The following SUMO2 variants were observed in gnomAD, a reference collection of about 807,000 sequenced individuals.
SUMO2 encodes the protein small ubiquitin like modifier 2.
SUMO2 carries 1 observed loss-of-function variant against 16.0 expected under a neutral mutation model. The observed-to-expected ratio is 0.06, with a 90% CI of 0.02 to 0.30. The LOEUF (loss-of-function observed/expected upper bound fraction) is 0.30. Ranked by LOEUF, SUMO2 falls within the 10% of genes least tolerant of loss-of-function variation. The pLI, the probability that SUMO2 is intolerant of heterozygous loss-of-function variation, is 1.00. For synonymous variants in SUMO2, 36 were observed against 40.6 expected (o/e 0.89, Z 0.43); for missense variants, 16 against 117.5 (o/e 0.14, Z 3.99).
At chr17:75,174,729 C>G (rs2074768463) in intron 3 of SUMO2, 23 bp downstream of exon 3, 1 of 1,602,788 alleles carries the variant, frequency 6.2e-7, no homozygotes, top group African/African-American at 1.3e-5. Flanking sequence ...GGTAATTTTT[C>G]TAATTAGGAG....
At chr17:75,169,051 T>C in intron 3 of SUMO2, among the ~76,000 whole-genome samples, 1 of 137,328 alleles carries the variant, frequency 7.3e-6, no homozygotes, top group Admixed American at 7.6e-5. Context: ...AGACAACATC[T>C]CTACAAAAAA....
chr17:75,177,377 A>T (rs1237799808), intron 2 of SUMO2, among the ~76,000 whole-genome samples: 1 of 151,686 alleles, frequency 6.6e-6, no homozygotes, highest in South Asian at 2.1e-4. Flanking sequence ...AAAAAAAAGA[A>T]ATTAAAAAAT....
At chr17:75,180,980 T>C in intron 2 of SUMO2, 77 bp downstream of exon 2, 2 of 1,557,768 alleles carry the variant, frequency 1.3e-6, no homozygotes, top group Non-Finnish European at 1.8e-6. Context: ...AATGTGCTAG[T>C]CTAGTTTTTG....
At chr17:75,180,807 A>G (rs918617761) in intron 2 of SUMO2, among the ~76,000 whole-genome samples, 1 of 152,174 alleles carries the variant, frequency 6.6e-6, no homozygotes, top group African/African-American at 2.4e-5. Context: ...CTTGGTAAAA[A>G]AAAATTATTG....
intron 2 of SUMO2, among the ~76,000 whole-genome samples, chr17:75,175,982 A>G (rs1193119470): frequency 6.6e-6 from 1 of 152,058 alleles, no homozygotes; most frequent in Non-Finnish European, 1.5e-5. Context: ...CACAGCTACT[A>G]TAATGTTAAA....
At position 75,174,839 on chromosome 17, in the gene SUMO2, A is replaced by T; in HGVS notation, c.154-16T>A. The T allele has an allele frequency of 6.2e-7, 1 of 1,610,288 alleles. No homozygotes were observed. Among genetic ancestry groups the T allele is most frequent in the Non-Finnish European group, 8.5e-7 (1 of 1,178,068 alleles). ...TTGACAATCCCTGAACGAGAATTTA[A>T]AAGCAATAAACAGCATTAAGAGAAA... On this transcript the variant is annotated splice_polypyrimidine_tract_variant and intron_variant, in intron 2 of 3. Transcript: ENST00000420826.
intron 3 of SUMO2, among the ~76,000 whole-genome samples, chr17:75,169,844 G>A (rs1195704071): frequency 9.5e-6 from 1 of 105,486 alleles, no homozygotes; most frequent in East Asian, 3.1e-4. Context: ...GTGAGACTTG[G>A]TCTCAAAAAA....
intron 2 of SUMO2, among the ~76,000 whole-genome samples, chr17:75,175,415 G>A (rs1418146256): frequency 2.0e-5 from 3 of 151,858 alleles, no homozygotes; most frequent in Non-Finnish European, 4.4e-5. Flanking sequence ...CCACCTTTTG[G>A]GTTCAAGCAA....
rs546928289 is a variant in SUMO2 at position 75,167,701 on chromosome 17, T to C, written c.*638A>G. The C allele has an allele frequency of 6.5e-6, 1 of 152,744 alleles. No individual in the cohort carries two copies. The highest frequency in any genetic ancestry group is 2.1e-4 in the South Asian group (1 of 4,828). 9.5% of individuals were successfully genotyped at this position (152,744 alleles called of 1,614,324 possible). On this transcript the variant is annotated 3_prime_UTR_variant, in exon 4 of 4. Coordinates refer to ENST00000420826, the MANE Select transcript of SUMO2 (RefSeq NM_006937.4). ...TTTTTTCTAAGCCTCAATTTTCTATTTAATATTTCTCAGAATAAAGAAAAC... is the reference window on the plus strand; with the variant it reads ...TTTTTTCTAAGCCTCAATTTTCTATCTAATATTTCTCAGAATAAAGAAAAC...
chr17:75,168,363 T>A lies in SUMO2; in HGVS notation c.264A>T (p.Gln88His). Residue 88 changes from glutamine to histidine, a missense_variant, in exon 4 of 4, where the codon CAA (glutamine) becomes CAT (histidine). Gln to His is a conservative substitution (Grantham distance 24, BLOSUM62 0). Transcript: ENST00000420826. ...TTCAGTAGACACCTCCCGTCTGCTG[T>A]TGGAACACATCAATTGTATCTTCAT... ...MEDEDTIDVF[Q>H]QQTGGVY The A allele has an allele frequency of 6.2e-7, 1 of 1,608,050 alleles. No individual in the cohort carries two copies. Among genetic ancestry groups the A allele is most frequent in the Non-Finnish European group, 8.5e-7 (1 of 1,177,348 alleles).
chr17:75,178,577 T>C (rs1338194282), intron 2 of SUMO2, among the ~76,000 whole-genome samples: 1 of 152,030 alleles, frequency 6.6e-6, no homozygotes, highest in Non-Finnish European at 1.5e-5. Flanking sequence ...TTCTGTTTGT[T>C]TGTGGTTTTG....
At position 75,167,447 on chromosome 17, in the gene SUMO2, G is replaced by A. The variant is rs911633018; in HGVS notation, c.*892C>T. ...CCACATGTGCTACCCTATACCCTAT[G>A]CTCCGTGCCTCACTTAATATACAGA... On this transcript the variant is annotated 3_prime_UTR_variant, in exon 4 of 4. Transcript: ENST00000420826. The A allele has an allele frequency of 6.6e-6, 1 of 152,064 alleles. No homozygotes were observed. Among genetic ancestry groups the A allele is most frequent in the Non-Finnish European group, 1.5e-5 (1 of 68,038 alleles). The allele number at this position is 152,064 out of a possible 1,614,324, so 9.4% of individuals were successfully genotyped here. A position where few individuals can be genotyped will look rare whatever the true frequency, so the allele number is the denominator to read the frequency against.
In SUMO2 at chr17:75,182,591, G is replaced by A. The variant is rs531908959; in HGVS notation, c.21+223C>T. The A allele has an allele frequency of 6.0e-5, 19 of 318,152 alleles. 1 individual carries two copies. The South Asian group carries it at 2.8e-3, about 46-fold the overall frequency. The allele number at this position is 318,152 out of a possible 1,614,324, so 19.7% of individuals were successfully genotyped here. On this transcript the variant is annotated intron_variant, in intron 1 of 3. Coordinates refer to ENST00000420826, the MANE Select transcript of SUMO2 (RefSeq NM_006937.4). ...CCAACTCGCGCCCGGCGCGCACTCG[G>A]AGGCCGCCGGGGGCGGGAGAGAGCG...
chr17:75,166,446 G>A lies in SUMO2; in HGVS notation c.*1893C>T, dbSNP rs1162291289. 3 of 151,790 alleles carry A rather than the reference G, an allele frequency of 2.0e-5. No individual in the cohort carries two copies. Among genetic ancestry groups the A allele is most frequent in the African/African-American group, 7.3e-5 (3 of 41,258 alleles). 9.4% of individuals were successfully genotyped at this position (151,790 alleles called of 1,614,324 possible). ...GCTGAGATCATGTCATTGGTCTCCA[G>A]TTGGGGCAACAAGAGCGAAACTCCA... On this transcript the variant is annotated 3_prime_UTR_variant, in exon 4 of 4. Coordinates refer to ENST00000420826, the MANE Select transcript of SUMO2 (RefSeq NM_006937.4).
intron 2 of SUMO2, among the ~76,000 whole-genome samples, chr17:75,175,214 C>A (rs551484928): frequency 6.6e-6 from 1 of 152,094 alleles, no homozygotes; most frequent in Non-Finnish European, 1.5e-5. Context: ...AACTCCTAAC[C>A]TCAGGTGCTC....
rs1032566388 is a variant in SUMO2, at chr17:75,182,944, G to A, written c.-110C>T. ...GCGGCAGAAGAAGGAGGCGGCAGCG[G>A]TGGACGAGGGGAGAGGGTGCGCGCA... On this transcript the variant is annotated 5_prime_UTR_variant, in exon 1 of 4. Transcript: ENST00000420826. 6.2e-6 allele frequency: 6 copies of A among 962,974 alleles called. No homozygotes were observed. The highest frequency in any genetic ancestry group is 4.3e-5 in the Admixed American group (1 of 23,198). 59.7% of individuals were successfully genotyped at this position (962,974 alleles called of 1,614,324 possible).
At chr17:75,172,524 A>G (rs2074749453) in intron 3 of SUMO2, among the ~76,000 whole-genome samples, 1 of 136,594 alleles carries the variant, frequency 7.3e-6, no homozygotes, top group African/African-American at 2.8e-5. Context: ...CTCGTTACCC[A>G]TGCTCGAGTG....
chr17:75,168,329 G>C lies in SUMO2; in HGVS notation c.*10C>G. On this transcript the variant is annotated 3_prime_UTR_variant, in exon 4 of 4. Coordinates refer to ENST00000420826, the MANE Select transcript of SUMO2 (RefSeq NM_006937.4). ...AACAGAGTTCTGGAGTAAAGAAGCA[G>C]GTTCCCTTTTCAGTAGACACCTCCC... The C allele has an allele frequency of 5.1e-6, 8 of 1,577,760 alleles. No homozygotes were observed. The highest frequency in any genetic ancestry group is 6.9e-6 in the Non-Finnish European group (8 of 1,161,838).
At chr17:75,171,487 C>G (rs2074738217) in intron 3 of SUMO2, among the ~76,000 whole-genome samples, 1 of 151,406 alleles carries the variant, frequency 6.6e-6, no homozygotes, top group South Asian at 2.1e-4. Flanking sequence ...GCACTCCAGT[C>G]TGGGAGACAG....
Sources: allele counts gnomAD v4.1 joint callset (sites outside exome capture counted in the v4.1 genomes callset), GRCh38; gene constraint gnomAD v4.1.1; transcripts MANE v1.5; gene names NCBI Gene and HGNC (gene_info 2026-07-23, HGNC 2026-07-21).